HCN1: variants seen among roughly 807,000 people sequenced by gnomAD.
The protein encoded by HCN1 is potassium/sodium hyperpolarization-activated cyclic nucleotide-gated channel 1.
A neutral mutation model predicts 78.9 loss-of-function variants in HCN1; 13 were observed. That is an observed-to-expected ratio of 0.16 (90% confidence interval 0.11 to 0.26). The LOEUF is 0.26. Among genes scored for constraint, HCN1 ranks in the 10% least tolerant of loss-of-function variants. The probability of loss-of-function intolerance (pLI) is 1.00; values close to 1 mark genes in which losing one functional copy is unlikely to be tolerated. For synonymous variants in HCN1, 552 were observed against 455.5 expected, an observed-to-expected ratio of 1.21 and a Z score of -2.70; for missense variants, 810 against 1,154.3, an observed-to-expected ratio of 0.70 and a Z score of 4.32.
Position 45,525,053 on chromosome 5 carries a change from A to T in HCN1, c.850-63046T>A, listed in dbSNP as rs547986605. Among the ~76,000 whole-genome samples the T allele has an allele frequency of 1.2e-3, 186 of 152,208 alleles. 1 individual carries two copies. Among genetic ancestry groups the T allele is most frequent in the African/African-American group, 4.2e-3 (175 of 41,524 alleles). ...TCCCATCAATACCTAATTTATTGAG[A>T]GTTTTTAGCATGAAGGGCTGTTGAA... On this transcript the variant is annotated intron_variant, in intron 2 of 7. Transcript: ENST00000303230.
chr5:45,287,357 A>G (rs1745288841), intron 6 of HCN1, among the ~76,000 whole-genome samples: 1 of 152,036 alleles, frequency 6.6e-6, no homozygotes, highest in South Asian at 2.1e-4. Flanking sequence ...TAAATTTACA[A>G]AAATGTTTAT....
At chr5:45,545,127 T>G (rs1305151930) in intron 2 of HCN1, among the ~76,000 whole-genome samples, 3 of 152,158 alleles carry the variant, frequency 2.0e-5, no homozygotes, top group Non-Finnish European at 4.4e-5. Flanking sequence ...CCTGACTTTT[T>G]AATGATCGCC....
intron 3 of HCN1, among the ~76,000 whole-genome samples, chr5:45,431,293 T>G (rs995742237): frequency 6.6e-6 from 1 of 152,138 alleles, no homozygotes; most frequent in African/African-American, 2.4e-5. Context: ...AATGGGGTTG[T>G]TTTTTTGCTT....
intron 2 of HCN1, among the ~76,000 whole-genome samples, chr5:45,555,269 TA>T (rs1230483221): frequency 2.0e-5 from 3 of 151,134 alleles, no homozygotes; most frequent in Admixed American, 6.6e-5. Context: ...GAAAAAGAAA[TA>T]AAAAAAGTAA....
At chr5:45,305,353 T>A (rs1220204069) in intron 5 of HCN1, among the ~76,000 whole-genome samples, 1 of 152,184 alleles carries the variant, frequency 6.6e-6, no homozygotes, top group Non-Finnish European at 1.5e-5. Context: ...TCCTGAACAA[T>A]ATTTTATGAG....
intron 5 of HCN1, among the ~76,000 whole-genome samples, chr5:45,333,075 A>G (rs1381955973): frequency 2.0e-5 from 3 of 151,754 alleles, no homozygotes; most frequent in Non-Finnish European, 2.9e-5. Context: ...ACTGTTTTCC[A>G]TAGTGGTCGT....
chr5:45,609,390 A>C (rs1744788630), intron 2 of HCN1, among the ~76,000 whole-genome samples: 1 of 152,092 alleles, frequency 6.6e-6, no homozygotes, highest in Admixed American at 6.6e-5. Flanking sequence ...ATAAAAACAA[A>C]CAGCAACTCT....
chr5:45,315,260 T>C (rs1436861135), intron 5 of HCN1, among the ~76,000 whole-genome samples: 1 of 152,110 alleles, frequency 6.6e-6, no homozygotes, highest in East Asian at 1.9e-4. Context: ...ATTAAGAAAC[T>C]CATTCAAAAC....
At chr5:45,547,625 G>A (rs1273792398) in intron 2 of HCN1, among the ~76,000 whole-genome samples, 3 of 151,786 alleles carry the variant, frequency 2.0e-5, no homozygotes, top group African/African-American at 7.2e-5. Context: ...AAATATCAAT[G>A]TATATTAAAA....
chr5:45,346,999 T>C (rs960575540), intron 5 of HCN1, among the ~76,000 whole-genome samples: 1 of 152,220 alleles, frequency 6.6e-6, no homozygotes, highest in Admixed American at 6.5e-5. Flanking sequence ...GTCTGACTGC[T>C]TTGAAGAGAG....
At position 45,255,505 on chromosome 5, in the gene HCN1, G is replaced by A. The variant is rs2111827966; in HGVS notation, c.*6416C>T. 1.3e-5 allele frequency: 2 copies of A among 152,284 alleles called. No individual in the cohort carries two copies. Among genetic ancestry groups the A allele is most frequent in the Middle Eastern group, 3.4e-3 (1 of 294 alleles). The allele number at this position is 152,284 out of a possible 1,614,324, so 9.4% of individuals were successfully genotyped here. A position where few individuals can be genotyped will look rare whatever the true frequency, so the allele number is the denominator to read the frequency against. On this transcript the variant is annotated 3_prime_UTR_variant, in exon 8 of 8. Transcript: ENST00000303230. ...TGTAATTATACTTCTGGGTGATACT[G>A]ACGCTGCAGTTCCATGCACCACACT... is the stretch of plus-strand genomic sequence containing the variant.
intron 2 of HCN1, among the ~76,000 whole-genome samples, chr5:45,492,738 G>A (rs1741915604): frequency 6.6e-6 from 1 of 151,984 alleles, no homozygotes; most frequent in Non-Finnish European, 1.5e-5. Context: ...CCGGCCTCAG[G>A]TGATCCACCA....
chr5:45,270,101 T>TA (rs1242963013), intron 6 of HCN1, among the ~76,000 whole-genome samples: 1 of 152,252 alleles, frequency 6.6e-6, no homozygotes, highest in Non-Finnish European at 1.5e-5. Context: ...GTGCCCATAA[T>TA]ACTTTTGTTT....
intron 6 of HCN1, among the ~76,000 whole-genome samples, chr5:45,278,503 T>A (rs1228858977): frequency 6.6e-6 from 1 of 152,060 alleles, no homozygotes; most frequent in African/African-American, 2.4e-5. Flanking sequence ...CTGTTGATTT[T>A]TTTCCCACTC....
chr5:45,411,373 T>C (rs1449463648), intron 3 of HCN1, among the ~76,000 whole-genome samples: 1 of 151,722 alleles, frequency 6.6e-6, no homozygotes, highest in Admixed American at 6.6e-5. Flanking sequence ...TTTTTTTTTA[T>C]TCTACCCAGT....
chr5:45,512,965 G>C (rs1312182162), intron 2 of HCN1, among the ~76,000 whole-genome samples: 3 of 152,012 alleles, frequency 2.0e-5, no homozygotes, highest in African/African-American at 7.3e-5. Flanking sequence ...TCACGCCAGA[G>C]CCCGACTTTA....
chr5:45,415,421 G>T (rs1188735895), intron 3 of HCN1, among the ~76,000 whole-genome samples: 1 of 151,866 alleles, frequency 6.6e-6, no homozygotes, highest in Admixed American at 6.6e-5. Flanking sequence ...TGTATCCCCT[G>T]CATCTCTCCT....
intron 2 of HCN1, among the ~76,000 whole-genome samples, chr5:45,520,783 T>C (rs191020264): frequency 3.0e-4 from 46 of 152,060 alleles, no homozygotes; most frequent in Admixed American, 2.4e-3. Context: ...CAATGGAGAA[T>C]AAGCAGCTTC....
Position 45,374,788 on chromosome 5 carries a change from G to GTATATATA in HCN1, c.1231-21550_1231-21543dup, listed in dbSNP as rs937199640. 2.8e-5 allele frequency among the ~76,000 whole-genome samples: 4 copies of GTATATATA among 142,646 alleles called. 1 individual carries two copies. In the East Asian group the frequency reaches 8.1e-4, roughly 29 times the overall value. 93.6% of individuals were successfully genotyped at this position (142,646 alleles called of 152,430 possible). ...ACTATGAATATATATATATATGTGTGTATATATATATATATAAAACCATAT... is the reference window on the plus strand; with the variant it reads ...ACTATGAATATATATATATATGTGTGTATATATATATATATATATATATAAAACCATAT... On this transcript the variant is annotated intron_variant, in intron 4 of 7. Coordinates refer to ENST00000303230, the MANE Select transcript of HCN1 (RefSeq NM_021072.4).
Sources: allele counts gnomAD v4.1 joint callset (sites outside exome capture counted in the v4.1 genomes callset), GRCh38; gene constraint gnomAD v4.1.1; transcripts MANE v1.5; gene names NCBI Gene and HGNC (gene_info 2026-07-23, HGNC 2026-07-21).